The following P2RX6 variants were observed in gnomAD, a reference collection of about 807,000 sequenced individuals.
P2RX6 encodes P2X purinoceptor 6.
In P2RX6, 62 loss-of-function variants were observed where a neutral mutation model predicts 54.2. The observed-to-expected ratio is 1.14, with a 90% CI of 0.93 to 1.41. The LOEUF is 1.41. Among genes scored for constraint, P2RX6 ranks in the 40% most tolerant of loss-of-function variants. The pLI is 0.00. For missense variants in P2RX6, 541 were observed against 566.3 expected, an observed-to-expected ratio of 0.96 and a Z score of 0.45; for synonymous variants, 211 against 231.9, an observed-to-expected ratio of 0.91 and a Z score of 0.82.
intron 3 of P2RX6, among the ~76,000 whole-genome samples, chr22:21,019,462 C>T (rs1373415967): frequency 5.3e-5 from 8 of 152,130 alleles, no homozygotes; most frequent in African/African-American, 9.7e-5. Flanking sequence ...TACAGGTGCC[C>T]GCCACTGTGC....
At chr22:21,020,125 CTCTT>C (rs1927094323) in intron 3 of P2RX6, among the ~76,000 whole-genome samples, 1 of 152,236 alleles carries the variant, frequency 6.6e-6, no homozygotes, top group Admixed American at 6.5e-5. Flanking sequence ...CAATGTCCTT[CTCTT>C]TCTTAATGCT....
upstream of P2RX6, among the ~76,000 whole-genome samples, chr22:21,011,965 T>C (rs889660694): frequency 2.6e-5 from 4 of 152,198 alleles, no homozygotes; most frequent in Admixed American, 6.5e-5. Context: ...CAGGTGACTG[T>C]GCATGGAGCA....
chr22:21,023,447 G>A, intron 7 of P2RX6, 31 bp downstream of exon 7: 1 of 1,613,906 alleles, frequency 6.2e-7, no homozygotes. Flanking sequence ...AGGGTTCCTA[G>A]AGGGCTCTGG....
At position 21,026,497 on chromosome 22, in the gene P2RX6, C is replaced by A. The variant is rs1234532981; in HGVS notation, c.1206C>A (p.Cys402Ter). The change falls in exon 12 of 12, where the codon TGC (cysteine) becomes TGA (stop). Residue 402 changes from cysteine to a stop codon, truncating the protein, a stop_gained. Coordinates refer to ENST00000413302, the MANE Select transcript of P2RX6 (RefSeq NM_005446.5). LOFTEE classifies it high-confidence loss of function. The surrounding 1 kb of genome is among the most constrained non-coding windows in gnomAD (Gnocchi z 4.0). ...ALASQARLAE[C>*]LRRSSAPAPT... ...CATCCCAAGCCCGACTGGCCGAGTG[C>A]CTCAGACGGAGCTCAGCACCTGCAC... 6.3e-7 allele frequency: 1 copy of A among 1,598,010 alleles called. No individual in the cohort carries two copies. The highest frequency in any genetic ancestry group is 8.5e-7 in the Non-Finnish European group (1 of 1,172,942).
upstream of P2RX6, among the ~76,000 whole-genome samples, chr22:21,013,539 A>T (rs1174539513): frequency 6.6e-6 from 1 of 152,222 alleles, no homozygotes; most frequent in Admixed American, 6.5e-5. Flanking sequence ...GTGAGCTATG[A>T]TCCTGCCACT....
At chr22:21,024,885 T>TTTG (rs1555942142) in intron 8 of P2RX6, among the ~76,000 whole-genome samples, 2 of 148,472 alleles carry the variant, frequency 1.3e-5, no homozygotes, top group Non-Finnish European at 3.0e-5. Flanking sequence ...TGTGTTTTTT[T>TTTG]TTTTTTTTTT....
chr22:21,015,978 G>A lies in P2RX6; in HGVS notation c.201G>A (p.Arg67=). The A allele has an allele frequency of 2.6e-6, 4 of 1,550,022 alleles. No individual in the cohort carries two copies. In the South Asian group the frequency reaches 3.6e-5, roughly 14 times the overall value. Reference sequence around the variant, plus strand: ...TCGCCAAAAAAGGCTACCAGGAGCGGGACCTGGAACCCCAGTTTTCCATCA... The same window carrying A: ...TCGCCAAAAAAGGCTACCAGGAGCGAGACCTGGAACCCCAGTTTTCCATCA... ...ALLAKKGYQE[R]DLEPQFSIIT... is the part of the protein sequence containing the mutation. Residue 67 remains arginine, a synonymous_variant, in exon 2 of 12, where the codon CGG becomes CGA. Transcript: ENST00000413302.
intron 3 of P2RX6, chr22:21,018,398 C>T: frequency 2.7e-6 from 1 of 365,198 alleles, no homozygotes; most frequent in South Asian, 2.3e-5. Flanking sequence ...CATCCTGGTC[C>T]TGCCTCTGGG....
Position 21,016,026 on chromosome 22 carries a change from C to T in P2RX6, c.249C>T (p.Ser83=), listed in dbSNP as rs149070527. The change falls in exon 2 of 12, where the codon TCC becomes TCT. Residue 83 remains serine (S), a synonymous_variant. Transcript: ENST00000413302. ...FSIITKLKGV[S]VTQIKELGNR... Reference sequence around the variant, plus strand: ...TCATCACCAAACTCAAAGGGGTTTCCGTCACTCAGATCAAGGAGCTTGGAA... The same window carrying T: ...TCATCACCAAACTCAAAGGGGTTTCTGTCACTCAGATCAAGGAGCTTGGAA... 1,080 of 1,555,864 alleles carry T rather than the reference C, an allele frequency of 6.9e-4. 3 individuals are homozygous for T. The highest frequency in any genetic ancestry group is 8.9e-4 in the Non-Finnish European group (1,028 of 1,150,400).
In P2RX6 at chr22:21,026,158, G is replaced by A. The variant is rs1373164107; in HGVS notation, c.1050+82G>A. On this transcript the variant is annotated intron_variant, in intron 10 of 11. Transcript: ENST00000413302. The surrounding 1 kb of genome is among the most constrained non-coding windows in gnomAD (Gnocchi z 4.0). ...GTGTCCAATGCATGCTGGAGCCTCC[G>A]GTGCCTGCACATTGAGTCTCGGGGT... 2 of 1,530,194 alleles carry A rather than the reference G, an allele frequency of 1.3e-6. No homozygotes were observed. The highest frequency in any genetic ancestry group is 1.8e-6 in the Non-Finnish European group (2 of 1,124,766). The allele number at this position is 1,530,194 out of a possible 1,614,324, so 94.8% of individuals were successfully genotyped here. A position where few individuals can be genotyped will look rare whatever the true frequency, so the allele number is the denominator to read the frequency against.
rs781069880 is a variant in P2RX6 at position 21,023,406 on chromosome 22, T to A, written c.770T>A (p.Leu257Gln). Reference sequence around the variant, plus strand: ...AAGGCTGGAGGGACCTTCGAGGACCTGGCGTTGCTGGTGGGTCCCAAGTTG... The same window carrying A: ...AAGGCTGGAGGGACCTTCGAGGACCAGGCGTTGCTGGTGGGTCCCAAGTTG... ...VAKAGGTFED[L>Q]ALLGGSVGIR... The change falls in exon 7 of 12, where the codon CTG becomes CAG. Residue 257 changes from leucine to glutamine, a missense_variant. Physicochemically the swap from Leu to Gln is moderately radical, Grantham distance 113. Coordinates refer to ENST00000413302, the MANE Select transcript of P2RX6 (RefSeq NM_005446.5). 6.2e-7 allele frequency: 1 copy of A among 1,614,034 alleles called. No individual in the cohort carries two copies. The highest frequency in any genetic ancestry group is 2.2e-5 in the East Asian group (1 of 44,888).
Position 21,023,382 on chromosome 22 carries a change from A to G in P2RX6, c.746A>G (p.Lys249Arg), listed in dbSNP as rs1927805503. 1.9e-6 allele frequency: 3 copies of G among 1,614,006 alleles called. No homozygotes were observed. Among genetic ancestry groups the G allele is most frequent in the Non-Finnish European group, 2.5e-6 (3 of 1,179,900 alleles). ...TTCCGCATTGGGGACCTCGTGGCCAAGGCTGGAGGGACCTTCGAGGACCTG... is the reference window on the plus strand; with the variant it reads ...TTCCGCATTGGGGACCTCGTGGCCAGGGCTGGAGGGACCTTCGAGGACCTG... Reference protein sequence around the residue: ...PVFRIGDLVAKAGGTFEDLAL... With the variant: ...PVFRIGDLVARAGGTFEDLAL... Residue 249 changes from lysine (K) to arginine (R), a missense_variant, in exon 7 of 12, where the codon AAG becomes AGG. Transcript: ENST00000413302.
At chr22:21,015,676 G>C (rs1458845234) in intron 1 of P2RX6, among the ~76,000 whole-genome samples, 1 of 152,084 alleles carries the variant, frequency 6.6e-6, no homozygotes, top group African/African-American at 2.4e-5. Flanking sequence ...GTCTGTAAGG[G>C]GGAAGCTGGA....
intron 2 of P2RX6, 40 bp downstream of exon 2, chr22:21,016,132 T>C: frequency 6.5e-7 from 1 of 1,542,862 alleles, no homozygotes; most frequent in South Asian, 1.2e-5. Flanking sequence ...GCAAGTCCTT[T>C]CCCCACTGAC....
At chr22:21,014,465 T>C (rs1926001398), upstream of P2RX6, among the ~76,000 whole-genome samples, 1 of 152,202 alleles carries the variant, frequency 6.6e-6, no homozygotes, top group South Asian at 2.1e-4. Flanking sequence ...CCTGAGAGGA[T>C]AAACTGCACG....
chr22:21,025,722 C>A, intron 8 of P2RX6, 83 bp from the exon 9 acceptor site: 1 of 964,638 alleles, frequency 1.0e-6, no homozygotes, highest in Non-Finnish European at 1.6e-6. Flanking sequence ...AGTCAATTGA[C>A]AAGTTGGACA....
Position 21,015,812 on chromosome 22 carries a change from G to C in P2RX6, c.165-130G>C, listed in dbSNP as rs541720074. On this transcript the variant is annotated intron_variant, in intron 1 of 11. Coordinates refer to ENST00000413302, the MANE Select transcript of P2RX6 (RefSeq NM_005446.5). The stretch of plus-strand genomic sequence containing the variant: ...TGGAGTGGGAAGTGGGGCCAGAGAG[G>C]AGGTGGGGCCTTCGATGTTGGGCCG... 9.8e-5 allele frequency: 87 copies of C among 884,766 alleles called. 1 individual carries two copies. In the Middle Eastern group the frequency reaches 1.4e-3, roughly 14 times the overall value. 54.8% of individuals were successfully genotyped at this position (884,766 alleles called of 1,614,324 possible).
At chr22:21,024,879 T>TGTG (rs1555942103) in intron 8 of P2RX6, among the ~76,000 whole-genome samples, 15 of 17,016 alleles carry the variant, frequency 8.8e-4, no homozygotes, top group South Asian at 6.8e-3. Flanking sequence ...TTTTTTTGTG[T>TGTG]TTTTTTTTTT....
chr22:21,012,611 A>G (rs4078573), upstream of P2RX6: 1 of 602,682 alleles, frequency 1.7e-6, no homozygotes, highest in South Asian at 1.7e-5. Context: ...AAGTTCAGCC[A>G]CTTGACATAT....
Sources: allele counts gnomAD v4.1 joint callset (sites outside exome capture counted in the v4.1 genomes callset), GRCh38; gene constraint gnomAD v4.1.1; non-coding constraint Gnocchi (gnomAD v3.1); transcripts MANE v1.5; gene names NCBI Gene and HGNC (gene_info 2026-07-23, HGNC 2026-07-21).